Variants in SDK1 observed in about 807,000 individuals in gnomAD.
The protein encoded by SDK1 is protein sidekick-1.
SDK1 carries 157 observed loss-of-function variants against 245.5 expected under a neutral mutation model. The observed-to-expected ratio is 0.64, with a 90% CI of 0.56 to 0.73. The LOEUF (loss-of-function observed/expected upper bound fraction) is 0.73, where lower values mean the gene tolerates loss of function less well. Ranked by LOEUF, SDK1 falls within the 30% of genes least tolerant of loss-of-function variation. The pLI is 0.00. For missense variants in SDK1, 3,583 were observed against 3,002.3 expected (o/e 1.19, Z -4.52); for synonymous variants, 1,647 against 1,278.5 (o/e 1.29, Z -6.15).
At chr7:3,862,585 A>T (rs1025242813) in intron 5 of SDK1, among the ~76,000 whole-genome samples, 1 of 152,202 alleles carries the variant, frequency 6.6e-6, no homozygotes, top group Non-Finnish European at 1.5e-5. Flanking sequence ...TGGTTATCTG[A>T]ATTATTTGTT....
chr7:3,974,411 C>T lies in SDK1; in HGVS notation c.1860C>T (p.Ser620=), dbSNP rs552648674. 3.9e-5 allele frequency: 63 copies of T among 1,614,004 alleles called. No homozygotes were observed. The South Asian group carries it at 5.4e-4, about 14-fold the overall frequency. Residue 620 remains serine (S), a synonymous_variant, in exon 13 of 45, where the codon AGC becomes AGT. Transcript: ENST00000404826. ...KKDNVALTPS[S]TSRIVVEKDG... is the part of the protein sequence containing the mutation. The stretch of plus-strand genomic sequence containing the variant: ...ACAACGTGGCCCTGACTCCATCGAG[C>T]ACGTCTAGGATCGTGGTGGAGAAGG...
At chr7:4,063,605 A>C (rs866996416) in intron 19 of SDK1, among the ~76,000 whole-genome samples, 2 of 151,364 alleles carry the variant, frequency 1.3e-5, no homozygotes, top group African/African-American at 4.9e-5. Flanking sequence ...AGCAAAAAAA[A>C]AAAACAAAAA....
chr7:4,119,087 C>G (rs1783904534), intron 25 of SDK1, among the ~76,000 whole-genome samples: 1 of 148,102 alleles, frequency 6.8e-6, no homozygotes, highest in African/African-American at 2.5e-5. Flanking sequence ...TATTAATAAT[C>G]TCACAATAAG....
intron 40 of SDK1, among the ~76,000 whole-genome samples, chr7:4,231,395 C>G (rs930633191): frequency 3.4e-4 from 51 of 148,812 alleles, no homozygotes; most frequent in Non-Finnish European, 6.2e-4. Context: ...GAGACCCTGT[C>G]ACTACAAAAA....
At chr7:3,779,889 A>T (rs112090831) in intron 4 of SDK1, among the ~76,000 whole-genome samples, 2 of 146,908 alleles carry the variant, frequency 1.4e-5, no homozygotes, top group African/African-American at 2.5e-5. Flanking sequence ...CCGAGATTGC[A>T]CCACTGCAGT....
At chr7:3,624,638 T>G (rs982682267) in intron 2 of SDK1, among the ~76,000 whole-genome samples, 1 of 152,170 alleles carries the variant, frequency 6.6e-6, no homozygotes, top group African/African-American at 2.4e-5. Context: ...GAGGAACTTT[T>G]TTTTCTAAAA....
At chr7:4,007,014 CTCTT>C (rs1785533253) in intron 14 of SDK1, among the ~76,000 whole-genome samples, 1 of 152,238 alleles carries the variant, frequency 6.6e-6, no homozygotes, top group Admixed American at 6.5e-5. Context: ...TCTTGACTGT[CTCTT>C]TCTGAAACGA....
chr7:3,826,230 G>T (rs1261241819), intron 5 of SDK1, among the ~76,000 whole-genome samples: 1 of 152,148 alleles, frequency 6.6e-6, no homozygotes, highest in Non-Finnish European at 1.5e-5. Flanking sequence ...TGAACACCTA[G>T]TTACTTATCA....
intron 35 of SDK1, among the ~76,000 whole-genome samples, chr7:4,187,374 C>T (rs79433226): frequency 0.043 from 6,526 of 152,316 alleles, 225 homozygotes; most frequent in African/African-American, 0.088. Context: ...CCAATGCCTG[C>T]CTTGGGATAA....
At chr7:3,438,040 A>G (rs1016196747) in intron 1 of SDK1, among the ~76,000 whole-genome samples, 3 of 152,176 alleles carry the variant, frequency 2.0e-5, no homozygotes, top group Non-Finnish European at 4.4e-5. Flanking sequence ...CATTTTATAG[A>G]TGAAGAAATG....
At position 3,666,120 on chromosome 7, in the gene SDK1, G is replaced by C. The variant is rs566990268; in HGVS notation, c.713+24015G>C. Among the ~76,000 whole-genome samples the C allele has an allele frequency of 5.3e-5, 8 of 152,232 alleles. No individual in the cohort carries two copies. The East Asian group carries it at 1.4e-3, about 26-fold the overall frequency. On this transcript the variant is annotated intron_variant, in intron 4 of 44. Coordinates refer to ENST00000404826, the MANE Select transcript of SDK1 (RefSeq NM_152744.4). ...TGTCCTTTATTCACCTCCTAATCCA[G>C]TTAACCAGATGTTTCTGAAGGTGGC... is the stretch of plus-strand genomic sequence containing the variant.
intron 14 of SDK1, among the ~76,000 whole-genome samples, chr7:4,004,706 T>C (rs953230636): frequency 9.9e-5 from 15 of 152,234 alleles, no homozygotes; most frequent in African/African-American, 2.9e-4. Context: ...CCAGAAATTA[T>C]GTCAATTCAT....
At chr7:3,772,356 C>G (rs1780427865) in intron 4 of SDK1, among the ~76,000 whole-genome samples, 1 of 151,998 alleles carries the variant, frequency 6.6e-6, no homozygotes, top group African/African-American at 2.4e-5. Context: ...AGCTGAACTT[C>G]AATATTATAC....
At chr7:3,487,874 G>A (rs993469319) in intron 1 of SDK1, among the ~76,000 whole-genome samples, 1 of 152,072 alleles carries the variant, frequency 6.6e-6, no homozygotes, top group African/African-American at 2.4e-5. Context: ...AGCAAGGCAG[G>A]TTCCTTTGGG....
intron 29 of SDK1, among the ~76,000 whole-genome samples, chr7:4,148,272 T>C (rs1298326329): frequency 6.6e-6 from 1 of 152,172 alleles, no homozygotes; most frequent in Non-Finnish European, 1.5e-5. Flanking sequence ...AATTGCAGCT[T>C]TACACACGCC....
intron 4 of SDK1, among the ~76,000 whole-genome samples, chr7:3,645,582 C>T (rs1293437495): frequency 6.6e-6 from 1 of 152,124 alleles, no homozygotes; most frequent in Admixed American, 6.5e-5. Flanking sequence ...AAACTATGTA[C>T]ATCTATTATG....
chr7:3,568,280 T>C (rs999981160), intron 1 of SDK1, among the ~76,000 whole-genome samples: 1 of 152,196 alleles, frequency 6.6e-6, no homozygotes, highest in African/African-American at 2.4e-5. Flanking sequence ...TGTAGTCAGC[T>C]ACTTTAGGTA....
rs1785920006 is a variant in SDK1, at chr7:4,233,309, A to G, written c.5882A>G (p.Tyr1961Cys). 1 of 1,613,946 alleles carries G rather than the reference A, an allele frequency of 6.2e-7. No individual in the cohort carries two copies. Residue 1961 changes from tyrosine to cysteine, a missense_variant, in exon 41 of 45, where the codon TAC (tyrosine) becomes TGC (cysteine). Tyr to Cys is a radical substitution (Grantham distance 194). Coordinates refer to ENST00000404826, the MANE Select transcript of SDK1 (RefSeq NM_152744.4). Reference sequence around the variant, plus strand: ...GACATCCCGCGGAGCGCCACATCCTACACCCTCAGCCTGGATAAGCTCCGG... The same window carrying G: ...GACATCCCGCGGAGCGCCACATCCTGCACCCTCAGCCTGGATAAGCTCCGG... Reference protein sequence around the residue: ...VKDIPRSATSYTLSLDKLRQG... With the variant: ...VKDIPRSATSCTLSLDKLRQG...
rs759188794 is a variant in SDK1 at position 4,051,761 on chromosome 7, G to A, written c.2842G>A (p.Val948Ile). ...LKKFTAYFTS[V>I]LCFTTPGDGP... ...GAAGTTTACCGCCTACTTCACTTCCGTTCTGTGCTTCACCACCCCTGGGGA... is the reference window on the plus strand; with the variant it reads ...GAAGTTTACCGCCTACTTCACTTCCATTCTGTGCTTCACCACCCCTGGGGA... The change falls in exon 19 of 45, where the codon GTT (valine) becomes ATT (isoleucine). Residue 948 changes from valine (V) to isoleucine (I), a missense_variant. By Grantham distance (29) the Val-to-Ile change is conservative (BLOSUM62 3). Coordinates refer to ENST00000404826, the MANE Select transcript of SDK1 (RefSeq NM_152744.4). 34 of 1,613,768 alleles carry A rather than the reference G, an allele frequency of 2.1e-5. No homozygotes were observed. The highest frequency in any genetic ancestry group is 1.2e-4 in the Admixed American group (7 of 59,972).
Sources: allele counts gnomAD v4.1 joint callset (sites outside exome capture counted in the v4.1 genomes callset), GRCh38; gene constraint gnomAD v4.1.1; transcripts MANE v1.5; gene names NCBI Gene and HGNC (gene_info 2026-07-23, HGNC 2026-07-21).